Variants in TBC1D9 observed in about 807,000 individuals in gnomAD.
TBC1D9 encodes the protein TBC1 domain family member 9, also known as TBC1 domain family member 9A.
A neutral mutation model predicts 132.0 loss-of-function variants in TBC1D9; 63 were observed. The observed-to-expected ratio is 0.48, with a 90% CI of 0.39 to 0.59. TBC1D9 has a LOEUF of 0.59. Ranked by LOEUF, TBC1D9 falls within the 20% of genes least tolerant of loss-of-function variation. The pLI, the probability that TBC1D9 is intolerant of heterozygous loss-of-function variation, is 0.00. For synonymous variants in TBC1D9, 610 were observed against 609.9 expected (o/e 1.00, Z 0.00); for missense variants, 1,261 against 1,592.7 (o/e 0.79, Z 3.54).
intron 13 of TBC1D9, chr4:140,642,339 C>T (rs926660720): frequency 2.5e-6 from 2 of 805,136 alleles, no homozygotes; most frequent in African/African-American, 3.4e-5. Context: ...CCCTATCTTC[C>T]TGGCTTTGGC....
chr4:140,661,833 C>T (rs1207982693), intron 10 of TBC1D9, 60 bp downstream of exon 10: 2 of 1,409,318 alleles, frequency 1.4e-6, no homozygotes, highest in Admixed American at 4.0e-5. Context: ...CCACTATTTG[C>T]TGCCAAATGA....
intron 16 of TBC1D9, among the ~76,000 whole-genome samples, chr4:140,628,627 G>T (rs1417564029): frequency 6.6e-6 from 1 of 152,156 alleles, no homozygotes; most frequent in Non-Finnish European, 1.5e-5. Context: ...GATAATAGAA[G>T]ATTCTACCAG....
intron 1 of TBC1D9, among the ~76,000 whole-genome samples, chr4:140,716,791 TC>T (rs1017024605): frequency 2.6e-5 from 4 of 151,908 alleles, no homozygotes; most frequent in Admixed American, 2.0e-4. Flanking sequence ...TACGTTTTTT[TC>T]ACCCTTAATT....
Position 140,663,751 on chromosome 4 carries a change from C to T in TBC1D9, c.1589-1644G>A, listed in dbSNP as rs146888537. 6.6e-5 allele frequency among the ~76,000 whole-genome samples: 10 copies of T among 151,984 alleles called. No individual in the cohort carries two copies. The East Asian group carries it at 1.9e-3, about 29-fold the overall frequency. On this transcript the variant is annotated intron_variant, in intron 9 of 20. Coordinates refer to ENST00000442267, the MANE Select transcript of TBC1D9 (RefSeq NM_015130.3). The stretch of plus-strand genomic sequence containing the variant: ...TATCATTTTTGATAACATGGTTGAA[C>T]CCAGAAGACATTATGCTAAGTGAAA...
chr4:140,684,057 C>A (rs141575602), intron 3 of TBC1D9, among the ~76,000 whole-genome samples: 3 of 151,814 alleles, frequency 2.0e-5, no homozygotes, highest in Admixed American at 2.0e-4. Context: ...GAAAAAAAGA[C>A]GAGAACAAAA....
At chr4:140,652,283 G>C (rs1578825502) in intron 13 of TBC1D9, among the ~76,000 whole-genome samples, 1 of 150,822 alleles carries the variant, frequency 6.6e-6, no homozygotes, top group Non-Finnish European at 1.5e-5. Flanking sequence ...TACATGAATA[G>C]ACAAATGCTG....
chr4:140,690,269 A>G (rs1331965522), intron 2 of TBC1D9, among the ~76,000 whole-genome samples: 2 of 152,092 alleles, frequency 1.3e-5, no homozygotes, highest in Admixed American at 1.3e-4. Context: ...CAGGTTTACT[A>G]TCATTGTTTC....
intron 1 of TBC1D9, among the ~76,000 whole-genome samples, chr4:140,705,273 A>G (rs1276884736): frequency 6.6e-6 from 1 of 152,158 alleles, no homozygotes; most frequent in Non-Finnish European, 1.5e-5. Context: ...TAATCTTTTA[A>G]TGCCGTCTCA....
chr4:140,642,329 C>G, intron 13 of TBC1D9: 1 of 783,438 alleles, frequency 1.3e-6, no homozygotes, highest in South Asian at 1.6e-5. Context: ...TGAACCCCAC[C>G]CCTATCTTCC....
intron 1 of TBC1D9, among the ~76,000 whole-genome samples, chr4:140,734,503 T>C (rs774989591): frequency 6.6e-6 from 1 of 152,090 alleles, no homozygotes; most frequent in Non-Finnish European, 1.5e-5. Flanking sequence ...AGGCCATACA[T>C]AACGCAGGCC....
intron 13 of TBC1D9, chr4:140,643,186 G>T: frequency 7.0e-7 from 1 of 1,426,784 alleles, no homozygotes; most frequent in Non-Finnish European, 9.6e-7. Context: ...AGGCTCTCCA[G>T]TGAGGGCCGA....
chr4:140,745,031 G>A (rs937739670), intron 1 of TBC1D9, among the ~76,000 whole-genome samples: 1 of 151,316 alleles, frequency 6.6e-6, no homozygotes, highest in African/African-American at 2.4e-5. Context: ...TAAACCAATT[G>A]CCCATCAGAA....
chr4:140,644,046 G>T, intron 13 of TBC1D9: 1 of 452,780 alleles, frequency 2.2e-6, no homozygotes, highest in East Asian at 4.9e-5. Context: ...CTTGTCTTCG[G>T]GCGAGAGTGT....
At chr4:140,748,826 A>C (rs928140792) in intron 1 of TBC1D9, among the ~76,000 whole-genome samples, 1 of 152,216 alleles carries the variant, frequency 6.6e-6, no homozygotes, top group Non-Finnish European at 1.5e-5. Flanking sequence ...TGGCAGTGGA[A>C]AACGGATTCC....
chr4:140,756,112 C>G lies in TBC1D9; in HGVS notation c.-67G>C, dbSNP rs1301086761. 2 of 1,412,174 alleles carry G rather than the reference C, an allele frequency of 1.4e-6. No homozygotes were observed. The highest frequency in any genetic ancestry group is 1.5e-5 in the African/African-American group (1 of 67,016). The allele number at this position is 1,412,174 out of a possible 1,614,324, so 87.5% of individuals were successfully genotyped here. ...TCCAGTCCTGCACCCACCACCGCGACAGGCGCGCACTCCTGGGCACACGCG... is the reference window on the plus strand; with the variant it reads ...TCCAGTCCTGCACCCACCACCGCGAGAGGCGCGCACTCCTGGGCACACGCG... On this transcript the variant is annotated 5_prime_UTR_variant, in exon 1 of 21. Transcript: ENST00000442267. This position sits in a 1 kb window ranked among gnomAD's most constrained non-coding sequence, Gnocchi z 5.6.
chr4:140,624,296 A>G lies in TBC1D9; in HGVS notation c.2974+18T>C. On this transcript the variant is annotated intron_variant, in intron 19 of 20. Transcript: ENST00000442267. Reference sequence around the variant, plus strand: ...ACAACCAGCAAGAAGGTAAACATATAGAAGAGAATATCCTTACCTTTGTCT... The same window carrying G: ...ACAACCAGCAAGAAGGTAAACATATGGAAGAGAATATCCTTACCTTTGTCT... 1 of 1,613,068 alleles carries G rather than the reference A, an allele frequency of 6.2e-7. No individual in the cohort carries two copies. Among genetic ancestry groups the G allele is most frequent in the Non-Finnish European group, 8.5e-7 (1 of 1,179,280 alleles).
intron 16 of TBC1D9, 64 bp downstream of exon 16, chr4:140,633,884 T>A: frequency 6.3e-7 from 1 of 1,583,762 alleles, no homozygotes; most frequent in Non-Finnish European, 8.6e-7. Flanking sequence ...GAGGGCAGCA[T>A]GGGCAACACT....
intron 13 of TBC1D9, among the ~76,000 whole-genome samples, chr4:140,640,427 CT>C (rs2110977488): frequency 1.0e-5 from 1 of 99,260 alleles, no homozygotes; most frequent in South Asian, 3.7e-4. Flanking sequence ...CAAATATGAC[CT>C]TATCTTAGGG....
intron 1 of TBC1D9, among the ~76,000 whole-genome samples, chr4:140,730,447 G>C (rs1738571561): frequency 6.6e-6 from 1 of 152,178 alleles, no homozygotes; most frequent in Admixed American, 6.5e-5. Flanking sequence ...ACATGGGCCG[G>C]GCATGGTGAC....
Sources: gnomAD v4.1 joint callset for allele counts (sites outside exome capture counted in the v4.1 genomes callset) on GRCh38, gnomAD v4.1.1 for gene constraint, Gnocchi (gnomAD v3.1) non-coding constraint, MANE v1.5 for transcripts, NCBI Gene and HGNC (gene_info 2026-07-23, HGNC 2026-07-21) for gene names.